The following JMJD1C variants were observed in gnomAD, a reference collection of about 807,000 sequenced individuals.
JMJD1C encodes the protein jumonji domain containing 1C, also known as jumonji domain-containing protein 1C.
A neutral mutation model predicts 245.3 loss-of-function variants in JMJD1C; 31 were observed. The ratio of observed to expected loss-of-function variants is 0.13; its 90% CI spans 0.09 to 0.17. JMJD1C has a LOEUF of 0.17. Among genes scored for constraint, JMJD1C ranks in the 10% least tolerant of loss-of-function variants. JMJD1C has a pLI of 1.00. For synonymous variants in JMJD1C, 1,057 were observed against 1,017.4 expected, an observed-to-expected ratio of 1.04 and a Z score of -0.74; for missense variants, 2,691 against 3,000.2, an observed-to-expected ratio of 0.90 and a Z score of 2.41.
chr10:63,469,279 GAC>G (rs1000245391), upstream of JMJD1C, among the ~76,000 whole-genome samples: 1 of 152,158 alleles, frequency 6.6e-6, no homozygotes, highest in Admixed American at 6.5e-5. Context: ...CTATGTGTCA[GAC>G]AGTATACTAA....
In JMJD1C at chr10:63,329,480, A is replaced by G. The variant is rs1941901702; in HGVS notation, c.333+50838T>C. The stretch of plus-strand genomic sequence containing the variant: ...AAACAAAACTATCTCCATCAATTGA[A>G]AAAAAAAAAAAAAGGATATGAACTG... On this transcript the variant is annotated intron_variant, in intron 2 of 25. Coordinates refer to ENST00000399262, the MANE Select transcript of JMJD1C (RefSeq NM_032776.3). 6.6e-4 allele frequency among the ~76,000 whole-genome samples: 3 copies of G among 4,538 alleles called. No homozygotes were observed. In the African/African-American group the frequency reaches 0.027, roughly 41 times the overall value. 3.0% of individuals were successfully genotyped at this position (4,538 alleles called of 152,430 possible). A position where few individuals can be genotyped will look rare whatever the true frequency, so the allele number is the denominator to read the frequency against.
chr10:63,425,946 G>A (rs1392687045), intron 1 of JMJD1C, among the ~76,000 whole-genome samples: 3 of 152,108 alleles, frequency 2.0e-5, no homozygotes, highest in Non-Finnish European at 4.4e-5. Flanking sequence ...TGTTTACTAT[G>A]TAAGTTAGGG....
chr10:63,444,028 C>T, intron 1 of JMJD1C, among the ~76,000 whole-genome samples: 2 of 152,192 alleles, frequency 1.3e-5, no homozygotes, highest in East Asian at 3.9e-4. Context: ...GGGTTTACTT[C>T]TTAAATGCTA....
chr10:63,253,634 C>A (rs954202254), intron 3 of JMJD1C, among the ~76,000 whole-genome samples: 2 of 152,190 alleles, frequency 1.3e-5, no homozygotes, highest in African/African-American at 4.8e-5. Flanking sequence ...GATCCGCCCA[C>A]TTCAGCCTCC....
chr10:63,190,350 C>T (rs59050225), intron 17 of JMJD1C, among the ~76,000 whole-genome samples: 5,328 of 152,050 alleles, frequency 0.035, 292 homozygotes, highest in East Asian at 0.26. Context: ...ATTACAGACA[C>T]GTGCCACCAC....
At chr10:63,235,008 T>C (rs114268729) in intron 3 of JMJD1C, among the ~76,000 whole-genome samples, 101 of 152,280 alleles carry the variant, frequency 6.6e-4, no homozygotes, top group African/African-American at 2.4e-3. Flanking sequence ...TCACATAGTA[T>C]GTATCTGATG....
intron 1 of JMJD1C, among the ~76,000 whole-genome samples, chr10:63,405,006 C>T (rs1349878845): frequency 1.3e-5 from 2 of 152,160 alleles, no homozygotes; most frequent in East Asian, 3.8e-4. Flanking sequence ...TTAGTTCTTG[C>T]TCCCAAGGAT....
intron 10 of JMJD1C, chr10:63,202,184 G>T (rs986513530): frequency 6.8e-6 from 3 of 439,314 alleles, no homozygotes; most frequent in Non-Finnish European, 9.1e-6. Context: ...ATCCCAGGGG[G>T]CGGAAGTTGC....
chr10:63,249,439 A>C (rs1852733256), intron 3 of JMJD1C, among the ~76,000 whole-genome samples: 1 of 152,212 alleles, frequency 6.6e-6, no homozygotes, highest in Non-Finnish European at 1.5e-5. Context: ...AATGGATATA[A>C]ATATACAATT....
In JMJD1C at chr10:63,347,333, C is replaced by T. The variant is rs910583757; in HGVS notation, c.333+32985G>A. 1.4e-3 allele frequency among the ~76,000 whole-genome samples: 216 copies of T among 152,094 alleles called. 1 individual carries two copies. The highest frequency in any genetic ancestry group is 3.5e-4 in the Non-Finnish European group (24 of 67,990). On this transcript the variant is annotated intron_variant, in intron 2 of 25. Transcript: ENST00000399262. ...GTGTGGTGGCTCACGCCTGTAATCC[C>T]AGCACTTTGGGAGGCCGACGCGGGT...
At chr10:63,181,637 T>G (rs894949688) in intron 22 of JMJD1C, among the ~76,000 whole-genome samples, 5 of 152,218 alleles carry the variant, frequency 3.3e-5, no homozygotes, top group Admixed American at 1.3e-4. Flanking sequence ...ATTTAAAATG[T>G]TGAAATTCTC....
chr10:63,205,198 G>A (rs893179590), intron 10 of JMJD1C, among the ~76,000 whole-genome samples: 4 of 152,038 alleles, frequency 2.6e-5, no homozygotes, highest in African/African-American at 4.8e-5. Context: ...CTTTAACATC[G>A]AAATGAATAC....
chr10:63,413,756 T>C (rs963256104), intron 1 of JMJD1C, among the ~76,000 whole-genome samples: 7 of 152,200 alleles, frequency 4.6e-5, no homozygotes, highest in Admixed American at 6.5e-5. Context: ...GATTTTTCTG[T>C]CAATTCAGAT....
At chr10:63,269,212 A>T in intron 2 of JMJD1C, 8 of 985,378 alleles carry the variant, frequency 8.1e-6, no homozygotes, top group Non-Finnish European at 9.6e-6. Flanking sequence ...CAGACACCCA[A>T]ATGAGAACGA....
At chr10:63,384,456 A>G (rs913381461) in intron 1 of JMJD1C, among the ~76,000 whole-genome samples, 1 of 152,230 alleles carries the variant, frequency 6.6e-6, no homozygotes, top group African/African-American at 2.4e-5. Context: ...GGGCTGCAGA[A>G]TGAAAATTGT....
At chr10:63,479,485 T>G (rs1236274227) in intron 1 of JMJD1C, among the ~76,000 whole-genome samples, 1 of 152,136 alleles carries the variant, frequency 6.6e-6, no homozygotes, top group African/African-American at 2.4e-5. Flanking sequence ...ACCTCAAAAA[T>G]GAAATTTTTG....
intron 2 of JMJD1C, among the ~76,000 whole-genome samples, chr10:63,283,594 T>C (rs918337669): frequency 2.2e-4 from 33 of 152,094 alleles, no homozygotes; most frequent in African/African-American, 7.7e-4. Flanking sequence ...TCTTGACTCC[T>C]GACCTCAAGT....
At chr10:63,320,718 G>C (rs1407824125) in intron 2 of JMJD1C, among the ~76,000 whole-genome samples, 1 of 152,138 alleles carries the variant, frequency 6.6e-6, no homozygotes, top group African/African-American at 2.4e-5. Flanking sequence ...AATCCTTGTA[G>C]ATACAGGCAC....
At chr10:63,283,568 A>C (rs1416895029) in intron 2 of JMJD1C, among the ~76,000 whole-genome samples, 2 of 152,010 alleles carry the variant, frequency 1.3e-5, no homozygotes, top group African/African-American at 4.8e-5. Flanking sequence ...GGGTTTCACC[A>C]TGTTGGTCAG....
Sources: allele counts gnomAD v4.1 joint callset (sites outside exome capture counted in the v4.1 genomes callset), GRCh38; gene constraint gnomAD v4.1.1; transcripts MANE v1.5; gene names NCBI Gene and HGNC (gene_info 2026-07-23, HGNC 2026-07-21).